Variants in ST14 observed in about 807,000 individuals in gnomAD.
The protein encoded by ST14 is ST14 transmembrane serine protease matriptase.
Under a neutral mutation model 96.5 loss-of-function variants are expected in ST14, and 40 were observed. The observed-to-expected ratio is 0.41, with a 90% CI of 0.32 to 0.54. The LOEUF is 0.54. Ranked by LOEUF, ST14 falls within the 20% of genes least tolerant of loss-of-function variation. The pLI is 0.17. For synonymous variants in ST14, 506 were observed against 492.1 expected (o/e 1.03, Z -0.37); for missense variants, 1,066 against 1,188.9 (o/e 0.90, Z 1.52).
intron 1 of ST14, among the ~76,000 whole-genome samples, chr11:130,171,740 C>A (rs1166984236): frequency 6.6e-6 from 1 of 152,244 alleles, no homozygotes; most frequent in Non-Finnish European, 1.5e-5. Flanking sequence ...ACTCAGGAGG[C>A]AGAGCCTCGG....
rs914193905 is a variant in ST14, at chr11:130,160,962, C to T, written c.81+902C>T. ...GGCTGTGTGGCAGAGAGTTTTGCTC[C>T]TCTGCAAATGATGGCCTCCCTGCCC... On this transcript the variant is annotated intron_variant, in intron 1 of 18. Transcript: ENST00000278742. 5.3e-5 allele frequency among the ~76,000 whole-genome samples: 8 copies of T among 152,182 alleles called. No homozygotes were observed. In the East Asian group the frequency reaches 1.4e-3, roughly 26 times the overall value.
chr11:130,170,620 C>G (rs1219133274), intron 1 of ST14, among the ~76,000 whole-genome samples: 6 of 151,916 alleles, frequency 3.9e-5, no homozygotes, highest in Admixed American at 3.9e-4. Context: ...GGTAGGGGAG[C>G]CCAGCCATTC....
At chr11:130,190,305 C>A (rs1032665613) in intron 6 of ST14, 149 bp from the exon 7 acceptor site, 2 of 1,476,490 alleles carry the variant, frequency 1.4e-6, no homozygotes, top group Non-Finnish European at 1.9e-6. Context: ...TTCTGAGAAG[C>A]CCCCTTCCTG....
intron 1 of ST14, among the ~76,000 whole-genome samples, chr11:130,183,250 A>G (rs1356807992): frequency 2.0e-5 from 3 of 152,158 alleles, no homozygotes; most frequent in Non-Finnish European, 4.4e-5. Context: ...GTGAGCCACC[A>G]CACCCGGCCT....
Position 130,190,580 on chromosome 11 carries a change from C to T in ST14, c.761C>T (p.Ser254Leu). Residue 254 changes from serine (S) to leucine (L), a missense_variant, in exon 7 of 19, where the codon TCA becomes TTA. Coordinates refer to ENST00000278742, the MANE Select transcript of ST14 (RefSeq NM_021978.4). ...CQWALRGDADSVLSLTFRSFD... is the reference protein window; with the variant it reads ...CQWALRGDADLVLSLTFRSFD... ...TGGGCCCTGCGGGGGGACGCCGACT[C>T]AGTGCTGAGCCTCACCTTCCGCAGC... The T allele has an allele frequency of 1.2e-6, 2 of 1,612,970 alleles. No homozygotes were observed. Among genetic ancestry groups the T allele is most frequent in the African/African-American group, 1.3e-5 (1 of 75,070 alleles).
intron 11 of ST14, 128 bp downstream of exon 11, chr11:130,196,828 T>A: frequency 7.0e-7 from 1 of 1,426,886 alleles, no homozygotes; most frequent in South Asian, 1.2e-5. Flanking sequence ...ATCTCACCCC[T>A]CCCGTAGCTT....
In ST14 at chr11:130,162,920, C is replaced by G. The variant is rs149423741; in HGVS notation, c.81+2860C>G. ...GACCCGGGGCCGCCTTGTCTAGCCA[C>G]GTGATCTCAGAGATGTTACTCAATA... On this transcript the variant is annotated intron_variant, in intron 1 of 18. Coordinates refer to ENST00000278742, the MANE Select transcript of ST14 (RefSeq NM_021978.4). Among the ~76,000 whole-genome samples the G allele has an allele frequency of 1.3e-3, 192 of 152,266 alleles. 1 individual carries two copies. Among genetic ancestry groups the G allele is most frequent in the African/African-American group, 4.4e-3 (184 of 41,550 alleles).
rs1283741975 is a variant in ST14, at chr11:130,187,045, A to G, written c.82-1069A>G. ...TGATAATGGGTAAATGTGACAAACC[A>G]AGACATATCAGCTTAAATTTACACT... On this transcript the variant is annotated intron_variant, in intron 1 of 18. Transcript: ENST00000278742. This position sits in a 1 kb window ranked among gnomAD's most constrained non-coding sequence, Gnocchi z 4.5. Among the ~76,000 whole-genome samples, 4 of 152,226 alleles carry G rather than the reference A, an allele frequency of 2.6e-5. No homozygotes were observed. Among genetic ancestry groups the G allele is most frequent in the Admixed American group, 6.5e-5 (1 of 15,290 alleles).
Position 130,168,012 on chromosome 11 carries a change from G to A in ST14, c.81+7952G>A, listed in dbSNP as rs1255513190. Among the ~76,000 whole-genome samples, 6 of 152,342 alleles carry A rather than the reference G, an allele frequency of 3.9e-5. No individual in the cohort carries two copies. The East Asian group carries it at 1.2e-3, about 29-fold the overall frequency. ...TTGCAGGCATGAGCCACCGTGCCCA[G>A]CCTATTTTTTTCATTTAACATTCTA... is the stretch of plus-strand genomic sequence containing the variant. On this transcript the variant is annotated intron_variant, in intron 1 of 18. Transcript: ENST00000278742.
At chr11:130,189,419 A>G (rs1296645241) in intron 4 of ST14, 2 of 488,822 alleles carry the variant, frequency 4.1e-6, no homozygotes, top group Non-Finnish European at 7.4e-6. Context: ...CTCAGGTCAG[A>G]AAACAGGCTC....
At chr11:130,207,869 G>A (rs1406019772) in intron 16 of ST14, among the ~76,000 whole-genome samples, 1 of 152,176 alleles carries the variant, frequency 6.6e-6, no homozygotes, top group Non-Finnish European at 1.5e-5. Context: ...TCAGGAGATC[G>A]AGACCAGCCT....
chr11:130,198,553 C>G lies in ST14; in HGVS notation c.1616C>G (p.Ser539Trp). 2 of 1,614,060 alleles carry G rather than the reference C, an allele frequency of 1.2e-6. No homozygotes were observed. Among genetic ancestry groups the G allele is most frequent in the Non-Finnish European group, 1.7e-6 (2 of 1,180,024 alleles). Residue 539 changes from serine (S) to tryptophan (W), a missense_variant, in exon 14 of 19, where the codon TCG (serine) becomes TGG (tryptophan). Transcript: ENST00000278742. The stretch of plus-strand genomic sequence containing the variant: ...AGGTGTTCCAATGGGAAGTGCCTCT[C>G]GAAAAGCCAGCAGTGCAATGGGAAG... ...TFRCSNGKCL[S>W]KSQQCNGKDD...
chr11:130,182,036 C>G (rs941981159), intron 1 of ST14, among the ~76,000 whole-genome samples: 3 of 152,194 alleles, frequency 2.0e-5, no homozygotes, highest in Non-Finnish European at 4.4e-5. Context: ...TTCCCTGAAT[C>G]CTTGCTCCCA....
At position 130,187,141 on chromosome 11, in the gene ST14, T is replaced by C. The variant is rs1223489160; in HGVS notation, c.82-973T>C. 6.6e-6 allele frequency among the ~76,000 whole-genome samples: 1 copy of C among 152,080 alleles called. No homozygotes were observed. The highest frequency in any genetic ancestry group is 1.5e-5 in the Non-Finnish European group (1 of 68,024). ...TCAAAAGGGCCAACACCTGTGGGTGTGGGATGGGCTGTTGCTTTTGTTGTG... is the reference window on the plus strand; with the variant it reads ...TCAAAAGGGCCAACACCTGTGGGTGCGGGATGGGCTGTTGCTTTTGTTGTG... On this transcript the variant is annotated intron_variant, in intron 1 of 18. Transcript: ENST00000278742. The surrounding 1 kb of genome is among the most constrained non-coding windows in gnomAD (Gnocchi z 4.5).
At chr11:130,198,847 G>A in intron 14 of ST14, 100 bp from the exon 15 acceptor site, 1 of 1,606,404 alleles carries the variant, frequency 6.2e-7, no homozygotes, top group Non-Finnish European at 8.5e-7. Context: ...TGGGTGAGGG[G>A]GTAATGTGCA....
chr11:130,198,367 G>A lies in ST14; in HGVS notation c.1519G>A (p.Val507Ile). The change falls in exon 13 of 19, where the codon GTC becomes ATC. Residue 507 changes from valine to isoleucine, a missense_variant. Physicochemically the swap from Val to Ile is conservative, Grantham distance 29. Coordinates refer to ENST00000278742, the MANE Select transcript of ST14 (RefSeq NM_021978.4). ...CAAGTTCTGCAAGCCCCTCTTCTGG[G>A]TCTGCGACAGTGTGAACGACTGCGG... ...KNKFCKPLFW[V>I]CDSVNDCGDN... 1 of 1,614,206 alleles carries A rather than the reference G, an allele frequency of 6.2e-7. No individual in the cohort carries two copies. Among genetic ancestry groups the A allele is most frequent in the Non-Finnish European group, 8.5e-7 (1 of 1,180,042 alleles).
intron 1 of ST14, among the ~76,000 whole-genome samples, chr11:130,165,772 G>C (rs1195401218): frequency 6.6e-6 from 1 of 152,212 alleles, no homozygotes; most frequent in Non-Finnish European, 1.5e-5. Context: ...CACAACAGCT[G>C]TGTGGGGGAA....
At chr11:130,180,018 A>T (rs1953176039) in intron 1 of ST14, among the ~76,000 whole-genome samples, 1 of 152,040 alleles carries the variant, frequency 6.6e-6, no homozygotes, top group Non-Finnish European at 1.5e-5. Flanking sequence ...AATTACAGGG[A>T]TAGTTTATGG....
At chr11:130,195,046 A>C (rs1258368627) in intron 9 of ST14, among the ~76,000 whole-genome samples, 9 of 152,096 alleles carry the variant, frequency 5.9e-5, no homozygotes, top group Non-Finnish European at 1.0e-4. Context: ...CCAGGAATTC[A>C]AGACCAGCCT....
Sources: gnomAD v4.1 joint callset for allele counts (sites outside exome capture counted in the v4.1 genomes callset) on GRCh38, gnomAD v4.1.1 for gene constraint, Gnocchi (gnomAD v3.1) non-coding constraint, MANE v1.5 for transcripts, NCBI Gene and HGNC (gene_info 2026-07-23, HGNC 2026-07-21) for gene names.